The following ZIM2 variants were observed in gnomAD, a reference collection of about 807,000 sequenced individuals.
The protein encoded by ZIM2 is zinc finger imprinted 2.
ZIM2 carries 14 observed loss-of-function variants against 38.6 expected under a neutral mutation model. The observed-to-expected ratio is 0.36, with a 90% CI of 0.24 to 0.57. The LOEUF is 0.57. Among genes scored for constraint, ZIM2 ranks in the 20% least tolerant of loss-of-function variants. The pLI is 0.81. For missense variants in ZIM2, 680 were observed against 695.1 expected, an observed-to-expected ratio of 0.98 and a Z score of 0.24; for synonymous variants, 247 against 245.8, an observed-to-expected ratio of 1.00 and a Z score of -0.04.
At chr19:56,820,664 T>C (rs2146283870) in intron 7 of ZIM2, among the ~76,000 whole-genome samples, 1 of 152,318 alleles carries the variant, frequency 6.6e-6, no homozygotes, top group African/African-American at 2.4e-5. Flanking sequence ...TTCCCTTCAA[T>C]CCAAATCAAG....
At chr19:56,812,163 G>T in intron 9 of ZIM2, 1 of 974,762 alleles carries the variant, frequency 1.0e-6, no homozygotes, top group Non-Finnish European at 1.2e-6. Flanking sequence ...GCCAACTCAA[G>T]GCCAAAAAAA....
intron 7 of ZIM2, among the ~76,000 whole-genome samples, 176 bp downstream of exon 7, chr19:56,821,475 C>T (rs2060480935): frequency 6.6e-6 from 1 of 152,182 alleles, no homozygotes; most frequent in Admixed American, 6.5e-5. Flanking sequence ...AAACAGCCAG[C>T]AGCAACCTGG....
intron 9 of ZIM2, among the ~76,000 whole-genome samples, chr19:56,803,424 C>G (rs547408494): frequency 6.6e-6 from 1 of 152,334 alleles, no homozygotes; most frequent in East Asian, 1.9e-4. Context: ...TATGTTCTCT[C>G]CCACTGAAGT....
rs1215431208 is a variant in ZIM2 at position 56,792,530 on chromosome 19, CAAAAAA to C, written c.491-2585_491-2580del. ...TGGGCGACAGAGCAAGACTCTGTCT[CAAAAAA>C]AAAAAAAAAAAAAAAAAAAAAGAGA... On this transcript the variant is annotated intron_variant, in intron 9 of 12. Coordinates refer to ENST00000629319, the MANE Select transcript of ZIM2 (RefSeq NM_001387356.1). Among the ~76,000 whole-genome samples, 172 of 20,928 alleles carry C rather than the reference CAAAAAA, an allele frequency of 8.2e-3. 1 individual carries two copies. Among genetic ancestry groups the C allele is most frequent in the African/African-American group, 0.019 (147 of 7,834 alleles). 13.7% of individuals were successfully genotyped at this position (20,928 alleles called of 152,430 possible). A position where few individuals can be genotyped will look rare whatever the true frequency, so the allele number is the denominator to read the frequency against.
At chr19:56,827,492 A>G (rs1268486960) in intron 2 of ZIM2, among the ~76,000 whole-genome samples, 1 of 152,186 alleles carries the variant, frequency 6.6e-6, no homozygotes, top group Non-Finnish European at 1.5e-5. Flanking sequence ...AAGGCTTTGG[A>G]AACAAAACAA....
rs192441293 is a variant in ZIM2 at position 56,825,501 on chromosome 19, T to G, written c.-151+887A>C. ...ATTTATTTCCTTCTCTTTATTTTAT[T>G]ATCTGCCCCCTTCCATTTTTTAAAC... On this transcript the variant is annotated intron_variant, in intron 3 of 12. Coordinates refer to ENST00000629319, the MANE Select transcript of ZIM2 (RefSeq NM_001387356.1). Among the ~76,000 whole-genome samples, 307 of 152,388 alleles carry G rather than the reference T, an allele frequency of 2.0e-3. 2 individuals are homozygous for G. Among genetic ancestry groups the G allele is most frequent in the African/African-American group, 7.2e-3 (300 of 41,602 alleles).
Position 56,775,255 on chromosome 19 carries a change from C to G in ZIM2, c.1110G>C (p.Thr370=). 2.5e-6 allele frequency: 4 copies of G among 1,614,146 alleles called. No individual in the cohort carries two copies. The highest frequency in any genetic ancestry group is 3.4e-6 in the Non-Finnish European group (4 of 1,180,036). The change falls in exon 13 of 13, where the codon ACG becomes ACC. Residue 370 remains threonine, a synonymous_variant. Coordinates refer to ENST00000629319, the MANE Select transcript of ZIM2 (RefSeq NM_001387356.1). ...GTTCGTGTCTCCTAAGGGCTACTTGCGTACTAAAGGTTCGTTTGCAAAATT... is the reference window on the plus strand; with the variant it reads ...GTTCGTGTCTCCTAAGGGCTACTTGGGTACTAAAGGTTCGTTTGCAAAATT... ...RCEFCKRTFS[T]QVALRRHERI... is the part of the protein sequence containing the mutation.
intron 9 of ZIM2, among the ~76,000 whole-genome samples, chr19:56,807,636 A>T (rs1160721104): frequency 6.6e-5 from 10 of 152,084 alleles, no homozygotes; most frequent in Admixed American, 1.3e-4. Flanking sequence ...ACAAAAAATT[A>T]AAAAATTGGC....
Position 56,833,091 on chromosome 19 carries a change from A to C in ZIM2, c.-227+2927T>G. ...ACTGAGCAGGGAAGAACTTAATGAAAGAACACATCATGCACTAGAAAGCGT... is the reference window on the plus strand; with the variant it reads ...ACTGAGCAGGGAAGAACTTAATGAACGAACACATCATGCACTAGAAAGCGT... On this transcript the variant is annotated intron_variant, in intron 2 of 12. Transcript: ENST00000629319. 3 of 496,136 alleles carry C rather than the reference A, an allele frequency of 6.0e-6. No individual in the cohort carries two copies. In the Admixed American group the frequency reaches 6.2e-5, roughly 10 times the overall value. The allele number at this position is 496,136 out of a possible 1,614,324, so 30.7% of individuals were successfully genotyped here. A position where few individuals can be genotyped will look rare whatever the true frequency, so the allele number is the denominator to read the frequency against.
At chr19:56,778,637 C>G (rs1400116780) in intron 12 of ZIM2, among the ~76,000 whole-genome samples, 1 of 152,116 alleles carries the variant, frequency 6.6e-6, no homozygotes, top group African/African-American at 2.4e-5. Flanking sequence ...GAAAATGAAA[C>G]TAGGTCTTCG....
At chr19:56,808,583 C>T (rs1299398472) in intron 9 of ZIM2, among the ~76,000 whole-genome samples, 1 of 151,606 alleles carries the variant, frequency 6.6e-6, no homozygotes. Flanking sequence ...CTGGCTTCTT[C>T]ATCACTCCTG....
chr19:56,815,745 T>A, intron 9 of ZIM2: 1 of 1,614,210 alleles, frequency 6.2e-7, no homozygotes, highest in Non-Finnish European at 8.5e-7. Context: ...TGGCACGGAA[T>A]ACACTCTGTA....
At chr19:56,786,168 A>G (rs950374201) in intron 10 of ZIM2, among the ~76,000 whole-genome samples, 1 of 152,172 alleles carries the variant, frequency 6.6e-6, no homozygotes, top group Non-Finnish European at 1.5e-5. Flanking sequence ...TAATATCGCA[A>G]ATATACTGTG....
chr19:56,810,763 C>T, intron 9 of ZIM2: 2 of 983,194 alleles, frequency 2.0e-6, no homozygotes, highest in Non-Finnish European at 2.4e-6. Context: ...TGCACTGAAA[C>T]AAGATAGAGG....
At chr19:56,816,915 G>A (rs1442237718) in intron 9 of ZIM2, 1 of 1,614,142 alleles carries the variant, frequency 6.2e-7, no homozygotes, top group Non-Finnish European at 8.5e-7. Flanking sequence ...TCTCTCCACA[G>A]TCCTTACATT....
At chr19:56,790,484 T>C (rs1015954785) in intron 9 of ZIM2, among the ~76,000 whole-genome samples, 3 of 152,222 alleles carry the variant, frequency 2.0e-5, no homozygotes, top group African/African-American at 7.2e-5. Flanking sequence ...AATCATCCCT[T>C]TGTCCAGTGT....
intron 2 of ZIM2, among the ~76,000 whole-genome samples, chr19:56,829,573 C>A (rs1262452084): frequency 6.6e-6 from 1 of 152,172 alleles, no homozygotes; most frequent in Non-Finnish European, 1.5e-5. Context: ...CAACCCAGAG[C>A]CAAAGGCAGG....
At chr19:56,840,170 T>C (rs940621687) in intron 1 of ZIM2, among the ~76,000 whole-genome samples, 1 of 152,134 alleles carries the variant, frequency 6.6e-6, no homozygotes, top group African/African-American at 2.4e-5. Context: ...GCAACAGGGA[T>C]AGCATTGGTG....
chr19:56,813,280 AAT>A lies in ZIM2; in HGVS notation c.490+4464_490+4465del, dbSNP rs1206808279. The A allele has an allele frequency of 1.5e-5, 14 of 936,554 alleles. No homozygotes were observed. In the Admixed American group the frequency reaches 7.0e-4, roughly 47 times the overall value. 58.0% of individuals were successfully genotyped at this position (936,554 alleles called of 1,614,324 possible). ...TGTAACTGTATATCATATAAATCCA[AAT>A]ATATGTGATCACTGTTCTGTCATAA... On this transcript the variant is annotated intron_variant, in intron 9 of 12. Coordinates refer to ENST00000629319, the MANE Select transcript of ZIM2 (RefSeq NM_001387356.1).
Sources: gnomAD v4.1 joint callset for allele counts (sites outside exome capture counted in the v4.1 genomes callset) on GRCh38, gnomAD v4.1.1 for gene constraint, MANE v1.5 for transcripts, NCBI Gene and HGNC (gene_info 2026-07-23, HGNC 2026-07-21) for gene names.